Variants in FRMD1 observed in about 807,000 individuals in gnomAD.
FRMD1 encodes FERM domain containing 1.
In FRMD1, 51 loss-of-function variants were observed where a neutral mutation model predicts 54.9. The ratio of observed to expected loss-of-function variants is 0.93; its 90% CI spans 0.74 to 1.17. The LOEUF is 1.17. Among genes scored for constraint, FRMD1 ranks in the 50% most tolerant of loss-of-function variants. The pLI, the probability that FRMD1 is intolerant of heterozygous loss-of-function variation, is 0.00. For synonymous variants in FRMD1, 324 were observed against 306.4 expected (o/e 1.06, Z -0.60); for missense variants, 729 against 743.0 (o/e 0.98, Z 0.22).
At chr6:168,084,207 TTCTA>T (rs1203389463), upstream of FRMD1, among the ~76,000 whole-genome samples, 1 of 152,130 alleles carries the variant, frequency 6.6e-6, no homozygotes, top group Non-Finnish European at 1.5e-5. Context: ...GCTCCCCAGC[TTCTA>T]GGGATTAGAC....
chr6:168,070,518 A>C (rs546707251), intron 2 of FRMD1, among the ~76,000 whole-genome samples: 1 of 152,218 alleles, frequency 6.6e-6, no homozygotes, highest in African/African-American at 2.4e-5. Flanking sequence ...CCTCTGGAGG[A>C]AGGAACTCCG....
At chr6:168,079,896 C>T (rs1800778759), upstream of FRMD1, among the ~76,000 whole-genome samples, 1 of 152,186 alleles carries the variant, frequency 6.6e-6, no homozygotes, top group Non-Finnish European at 1.5e-5. Flanking sequence ...CCTTCGAGCT[C>T]TTTGGCACAG....
At chr6:168,089,641 T>A (rs1206944409) in intron 1 of FRMD1, among the ~76,000 whole-genome samples, 1 of 152,230 alleles carries the variant, frequency 6.6e-6, no homozygotes, top group Non-Finnish European at 1.5e-5. Flanking sequence ...GTGCACCCCT[T>A]CCAGCAGCAC....
At position 168,092,857 on chromosome 6, in the gene FRMD1, GC is replaced by G. The variant is rs1801036935; in HGVS notation, c.-12+8567del. The G allele has an allele frequency of 2.0e-5, 3 of 152,436 alleles. No individual in the cohort carries two copies. In the South Asian group the frequency reaches 6.2e-4, roughly 32 times the overall value. The allele number at this position is 152,436 out of a possible 1,614,324, so 9.4% of individuals were successfully genotyped here. ...GGCCAAAGACGAGAGGACAGAGGCAGCCTTGACCCTGGACAGGCACACAACG... is the reference window on the plus strand; with the variant it reads ...GGCCAAAGACGAGAGGACAGAGGCAGCTTGACCCTGGACAGGCACACAACG... On this transcript the variant is annotated intron_variant, in intron 1 of 12. Coordinates refer to the FRMD1 transcript ENST00000644440.
At chr6:168,076,717 C>T (rs1346931654) in intron 1 of FRMD1, among the ~76,000 whole-genome samples, 10 of 152,190 alleles carry the variant, frequency 6.6e-5, no homozygotes, top group African/African-American at 1.9e-4. Flanking sequence ...TTATTAGCAG[C>T]GTGAGAACAG....
Position 168,088,053 on chromosome 6 carries a change from C to A in FRMD1, c.-11-9029G>T, listed in dbSNP as rs564514069. Among the ~76,000 whole-genome samples the A allele has an allele frequency of 4.4e-4, 67 of 152,324 alleles. No individual in the cohort carries two copies. The South Asian group carries it at 0.013, about 29-fold the overall frequency. On this transcript the variant is annotated intron_variant, in intron 1 of 12. Transcript: ENST00000644440. Reference sequence around the variant, plus strand: ...GACCCTGCCCCGAAAAGGCTCTCTCCCTCTGGTTCCGAGTCTCCCCCGCAG... The same window carrying A: ...GACCCTGCCCCGAAAAGGCTCTCTCACTCTGGTTCCGAGTCTCCCCCGCAG...
intron 6 of FRMD1, 30 bp downstream of exon 6, chr6:168,063,571 C>T (rs777531725): frequency 6.3e-7 from 1 of 1,584,128 alleles, no homozygotes; most frequent in South Asian, 1.2e-5. Flanking sequence ...AGTCAGAGTC[C>T]AGCCCATCGC....
At chr6:168,073,055 G>A (rs1800387729) in intron 2 of FRMD1, among the ~76,000 whole-genome samples, 1 of 152,170 alleles carries the variant, frequency 6.6e-6, no homozygotes, top group African/African-American at 2.4e-5. Context: ...GGCAGCTGTG[G>A]ACAAACATAT....
intron 1 of FRMD1, among the ~76,000 whole-genome samples, chr6:168,076,176 C>T (rs75889566): frequency 0.06 from 9,108 of 152,262 alleles, 309 homozygotes; most frequent in South Asian, 0.077. Context: ...GGACGGTTGC[C>T]GTGCGCTCTG....
upstream of FRMD1, among the ~76,000 whole-genome samples, chr6:168,080,456 A>G (rs200817196): frequency 6.8e-6 from 1 of 146,944 alleles, no homozygotes; most frequent in Admixed American, 6.7e-5. Context: ...CAAAAAAACC[A>G]CAAAAAAAAA....
At chr6:168,081,509 T>A (rs1208702650), upstream of FRMD1, 3 of 1,529,888 alleles carry the variant, frequency 2.0e-6, no homozygotes, top group African/African-American at 2.7e-5. Flanking sequence ...TCGGCCCAAC[T>A]CTCTCTTCTT....
intron 1 of FRMD1, among the ~76,000 whole-genome samples, chr6:168,092,245 C>T (rs960768488): frequency 6.6e-6 from 1 of 152,236 alleles, no homozygotes; most frequent in Non-Finnish European, 1.5e-5. Context: ...CACAGCAGCT[C>T]CTCCACCCCA....
At chr6:168,088,886 T>G (rs77124071) in intron 1 of FRMD1, among the ~76,000 whole-genome samples, 2,655 of 45,236 alleles carry the variant, frequency 0.059, 38 homozygotes, top group South Asian at 0.12. Flanking sequence ...CCCCACTCCT[T>G]GTGTCCGTGT....
rs541595171 is a variant in FRMD1 at position 168,058,696 on chromosome 6, T to C, written c.1407+428A>G. 2.0e-5 allele frequency among the ~76,000 whole-genome samples: 3 copies of C among 152,256 alleles called. No individual in the cohort carries two copies. In the South Asian group the frequency reaches 6.2e-4, roughly 32 times the overall value. On this transcript the variant is annotated intron_variant, in intron 10 of 10. Transcript: ENST00000283309. ...GGGGGATCCTAAGGCTCAGTAGCTC[T>C]ACAGGAAGTGGGGGAAGCCTGGAGC... is the stretch of plus-strand genomic sequence containing the variant.
At chr6:168,062,778 C>T in intron 7 of FRMD1, 116 bp downstream of exon 7, 1 of 1,598,122 alleles carries the variant, frequency 6.3e-7, no homozygotes, top group Non-Finnish European at 8.5e-7. Context: ...CAGGCAGGGC[C>T]AGCCAGCGCC....
rs2114960311 is a variant in FRMD1, at chr6:168,061,201, A to G, written c.1046-144T>C. 5 of 783,716 alleles carry G rather than the reference A, an allele frequency of 6.4e-6. No homozygotes were observed. In the South Asian group the frequency reaches 7.3e-5, roughly 12 times the overall value. The allele number at this position is 783,716 out of a possible 1,614,324, so 48.5% of individuals were successfully genotyped here. A position where few individuals can be genotyped will look rare whatever the true frequency, so the allele number is the denominator to read the frequency against. On this transcript the variant is annotated intron_variant, in intron 8 of 10. Coordinates refer to ENST00000283309, the MANE Select transcript of FRMD1 (RefSeq NM_024919.6). Reference sequence around the variant, plus strand: ...AGGCAGGGAGACCAGGCCTGCGGGTAAACGCTGAGGCCAGGCCTTGTGCTC... The same window carrying G: ...AGGCAGGGAGACCAGGCCTGCGGGTGAACGCTGAGGCCAGGCCTTGTGCTC...
intron 8 of FRMD1, 115 bp from the exon 9 acceptor site, chr6:168,061,172 G>A (rs937605720): frequency 1.5e-5 from 16 of 1,053,540 alleles, no homozygotes; most frequent in Admixed American, 2.7e-5. Context: ...TGAGGACGTG[G>A]AACAGGCAGG....
In FRMD1 at chr6:168,063,522, C is replaced by T. The variant is rs1044445824; in HGVS notation, c.804+79G>A. On this transcript the variant is annotated intron_variant, in intron 6 of 10. Coordinates refer to ENST00000283309, the MANE Select transcript of FRMD1 (RefSeq NM_024919.6). ...TCCATCCCTGCCCTGGGGTCCTGATCCCACTCAGCCATGGGGGCTCCGTGC... is the reference window on the plus strand; with the variant it reads ...TCCATCCCTGCCCTGGGGTCCTGATTCCACTCAGCCATGGGGGCTCCGTGC... 2.1e-6 allele frequency: 3 copies of T among 1,436,610 alleles called. No homozygotes were observed. The African/African-American group carries it at 4.3e-5, about 21-fold the overall frequency. The allele number at this position is 1,436,610 out of a possible 1,614,324, so 89.0% of individuals were successfully genotyped here.
At chr6:168,062,142 G>T (rs1267101958) in intron 7 of FRMD1, among the ~76,000 whole-genome samples, 161 bp from the exon 8 acceptor site, 1 of 152,250 alleles carries the variant, frequency 6.6e-6, no homozygotes. Context: ...CGCGGACACT[G>T]TGCTCTGCTC....
Sources: gnomAD v4.1 joint callset for allele counts (sites outside exome capture counted in the v4.1 genomes callset) on GRCh38, gnomAD v4.1.1 for gene constraint, MANE v1.5 for transcripts, NCBI Gene and HGNC (gene_info 2026-07-23, HGNC 2026-07-21) for gene names.